The following TEK variants were observed in gnomAD, a reference collection of about 807,000 sequenced individuals.
TEK encodes the protein TEK receptor tyrosine kinase.
TEK carries 43 observed loss-of-function variants against 131.8 expected under a neutral mutation model. The ratio of observed to expected loss-of-function variants is 0.33; its 90% CI spans 0.26 to 0.42. The LOEUF (loss-of-function observed/expected upper bound fraction) is 0.42. TEK is among the 10% of genes least tolerant of loss of function. TEK has a pLI of 1.00. For missense variants in TEK, 1,162 were observed against 1,384.4 expected, an observed-to-expected ratio of 0.84 and a Z score of 2.55; for synonymous variants, 580 against 491.6, an observed-to-expected ratio of 1.18 and a Z score of -2.38.
chr9:27,221,684 A>C (rs1240095132), intron 21 of TEK, among the ~76,000 whole-genome samples: 2 of 152,210 alleles, frequency 1.3e-5, no homozygotes, highest in African/African-American at 4.8e-5. Flanking sequence ...TGACTATTAG[A>C]AGGAAAAGTA....
chr9:27,154,787 G>A (rs535693681), intron 1 of TEK, among the ~76,000 whole-genome samples: 1 of 152,210 alleles, frequency 6.6e-6, no homozygotes, highest in African/African-American at 2.4e-5. Flanking sequence ...TTCCTTAACC[G>A]GCATGCTGAA....
rs58848460 is a variant in TEK, at chr9:27,173,574, A to G, written c.901+212A>G. 1.8e-4 allele frequency among the ~76,000 whole-genome samples: 28 copies of G among 152,222 alleles called. No individual in the cohort carries two copies. The East Asian group carries it at 4.6e-3, about 25-fold the overall frequency. On this transcript the variant is annotated intron_variant, in intron 6 of 22. Coordinates refer to ENST00000380036, the MANE Select transcript of TEK (RefSeq NM_000459.5). ...CGCATAGAAAGTACTTCTCATAACT[A>G]TCATCTGGGGATCTTTACTAAAGCA...
intron 20 of TEK, among the ~76,000 whole-genome samples, chr9:27,219,035 A>C (rs1018949541): frequency 3.3e-5 from 5 of 152,116 alleles, no homozygotes; most frequent in African/African-American, 1.2e-4. Flanking sequence ...GAGGCCATGA[A>C]CTTTATTATA....
intron 1 of TEK, among the ~76,000 whole-genome samples, chr9:27,125,508 C>G (rs1311336384): frequency 2.0e-5 from 3 of 152,104 alleles, no homozygotes; most frequent in Non-Finnish European, 4.4e-5. Flanking sequence ...GGCTTATAAC[C>G]CCTACCAAGC....
chr9:27,212,657 A>C (rs191867650), intron 16 of TEK, 50 bp from the exon 17 acceptor site: 1 of 1,597,290 alleles, frequency 6.3e-7, no homozygotes, highest in South Asian at 1.1e-5. Flanking sequence ...CTTAAATGTC[A>C]TAGCTGTTCA....
chr9:27,138,274 C>G (rs1222852460), intron 1 of TEK, among the ~76,000 whole-genome samples: 2 of 152,196 alleles, frequency 1.3e-5, no homozygotes, highest in East Asian at 3.8e-4. Flanking sequence ...AGCTTTTATT[C>G]CCTTATTTGG....
intron 1 of TEK, among the ~76,000 whole-genome samples, chr9:27,112,754 T>C (rs1401391406): frequency 1.3e-5 from 2 of 152,162 alleles, no homozygotes; most frequent in East Asian, 3.8e-4. Flanking sequence ...TTTAAATAGA[T>C]TGTTCTAGGC....
intron 1 of TEK, among the ~76,000 whole-genome samples, chr9:27,131,995 A>G (rs1220665764): frequency 6.6e-6 from 1 of 151,862 alleles, no homozygotes; most frequent in African/African-American, 2.4e-5. Context: ...TTTCACAATG[A>G]TGGTATATAT....
rs546501219 is a variant in TEK at position 27,229,329 on chromosome 9, A to G, written c.*97A>G. The G allele has an allele frequency of 4.3e-6, 5 of 1,152,084 alleles. No individual in the cohort carries two copies. The highest frequency in any genetic ancestry group is 6.6e-6 in the Non-Finnish European group (5 of 763,356). 71.4% of individuals were successfully genotyped at this position (1,152,084 alleles called of 1,614,324 possible). On this transcript the variant is annotated 3_prime_UTR_variant, in exon 23 of 23. Coordinates refer to ENST00000380036, the MANE Select transcript of TEK (RefSeq NM_000459.5). ...ATGCCTCTGCCAAAGGATGTGATAT[A>G]TAAGTGTACATATGTGCTGTACACC...
At chr9:27,205,747 T>G (rs368303753) in intron 14 of TEK, among the ~76,000 whole-genome samples, 12 of 152,296 alleles carry the variant, frequency 7.9e-5, no homozygotes, top group Admixed American at 5.9e-4. Context: ...ATGTATCTAG[T>G]TTGTGGGTTC....
intron 2 of TEK, among the ~76,000 whole-genome samples, chr9:27,167,587 G>A (rs1208455048): frequency 1.3e-5 from 2 of 152,124 alleles, no homozygotes; most frequent in Non-Finnish European, 2.9e-5. Flanking sequence ...TGTCAGTACT[G>A]TCCAGTTCCA....
intron 3 of TEK, 92 bp downstream of exon 3, chr9:27,168,697 G>A (rs1029203023): frequency 3.0e-6 from 3 of 1,013,796 alleles, no homozygotes; most frequent in Non-Finnish European, 4.5e-6. Flanking sequence ...TGGTCTTGTG[G>A]GCAGATGTTT....
At chr9:27,210,875 T>C (rs1005816434) in intron 16 of TEK, among the ~76,000 whole-genome samples, 9 of 152,092 alleles carry the variant, frequency 5.9e-5, no homozygotes, top group Admixed American at 3.9e-4. Context: ...TCCCAGCACT[T>C]TGGGAGGCCG....
intron 1 of TEK, among the ~76,000 whole-genome samples, chr9:27,156,618 C>T (rs1207025853): frequency 1.3e-5 from 2 of 151,976 alleles, no homozygotes; most frequent in African/African-American, 4.8e-5. Flanking sequence ...CATTTGAATC[C>T]CAGCTCTGCC....
At chr9:27,195,079 C>G (rs1046090090) in intron 11 of TEK, among the ~76,000 whole-genome samples, 2 of 152,140 alleles carry the variant, frequency 1.3e-5, no homozygotes, top group East Asian at 3.8e-4. Flanking sequence ...TCATTGCAAA[C>G]CTGCCTAAAC....
intron 6 of TEK, among the ~76,000 whole-genome samples, chr9:27,175,038 C>A (rs182525146): frequency 3.3e-5 from 5 of 149,694 alleles, no homozygotes; most frequent in Non-Finnish European, 5.9e-5. Context: ...GCACAATGTG[C>A]AGGTTAGTTA....
chr9:27,196,220 T>G (rs989800163), intron 11 of TEK, among the ~76,000 whole-genome samples: 3 of 152,368 alleles, frequency 2.0e-5, no homozygotes, highest in Admixed American at 6.5e-5. Context: ...CATGCCTACA[T>G]GTACTTGAAG....
chr9:27,134,017 G>A (rs1048051985), intron 1 of TEK, among the ~76,000 whole-genome samples: 5 of 152,194 alleles, frequency 3.3e-5, no homozygotes, highest in South Asian at 2.1e-4. Flanking sequence ...GTGAGGCATG[G>A]GAAGTTGACT....
chr9:27,218,175 G>T (rs1011362586), intron 19 of TEK, among the ~76,000 whole-genome samples: 48 of 150,642 alleles, frequency 3.2e-4, no homozygotes, highest in African/African-American at 1.2e-3. Flanking sequence ...TGCATCAGAG[G>T]CTGGCGGTGA....
Sources: allele counts gnomAD v4.1 joint callset (sites outside exome capture counted in the v4.1 genomes callset), GRCh38; gene constraint gnomAD v4.1.1; transcripts MANE v1.5; gene names NCBI Gene and HGNC (gene_info 2026-07-23, HGNC 2026-07-21).